The following BTBD8 variants were observed in gnomAD, a reference collection of about 807,000 sequenced individuals.
The protein encoded by BTBD8 is BTB/POZ domain-containing protein 8.
A neutral mutation model predicts 162.9 loss-of-function variants in BTBD8; 110 were observed. That is an observed-to-expected ratio of 0.68 (90% confidence interval 0.58 to 0.79). The LOEUF (loss-of-function observed/expected upper bound fraction) is 0.79, where lower values mean the gene tolerates loss of function less well. Among genes scored for constraint, BTBD8 ranks in the 30% least tolerant of loss-of-function variants. The pLI is 0.00. For synonymous variants in BTBD8, 667 were observed against 716.1 expected, an observed-to-expected ratio of 0.93 and a Z score of 1.10; for missense variants, 1,905 against 2,085.4, an observed-to-expected ratio of 0.91 and a Z score of 1.68.
At chr1:92,174,102 T>G (rs967947621) in intron 13 of BTBD8, among the ~76,000 whole-genome samples, 1 of 152,184 alleles carries the variant, frequency 6.6e-6, no homozygotes, top group African/African-American at 2.4e-5. Context: ...GAAATAAAAT[T>G]GGAATTAATA....
intron 11 of BTBD8, 112 bp downstream of exon 11, chr1:92,168,097 A>G: frequency 1.2e-6 from 1 of 853,384 alleles, no homozygotes; most frequent in Non-Finnish European, 1.7e-6. Flanking sequence ...GTGGATACCT[A>G]GGGGTGGATT....
intron 16 of BTBD8, among the ~76,000 whole-genome samples, chr1:92,179,730 T>C (rs1275080065): frequency 2.0e-5 from 3 of 152,176 alleles, no homozygotes; most frequent in African/African-American, 7.2e-5. Flanking sequence ...AAGTTGTTAA[T>C]CCTAATGAGC....
intron 13 of BTBD8, 108 bp downstream of exon 13, chr1:92,171,568 G>T: frequency 3.0e-6 from 2 of 669,158 alleles, no homozygotes; most frequent in South Asian, 3.9e-5. Context: ...ATTAATTGAA[G>T]CTATTTCTTA....
Position 92,176,890 on chromosome 1 carries a change from A to G in BTBD8, c.1697A>G (p.Lys566Arg). 6.6e-7 allele frequency: 1 copy of G among 1,505,572 alleles called. No individual in the cohort carries two copies. The allele number at this position is 1,505,572 out of a possible 1,614,324, so 93.3% of individuals were successfully genotyped here. A position where few individuals can be genotyped will look rare whatever the true frequency, so the allele number is the denominator to read the frequency against. ...IKIKSWRGNN[K>R]KECWSYLSTN... ...ATCAAATCTTGGAGGGGAAATAACA[A>G]GAAAGAGTGTTGGAGTTATCTCTCT... Residue 566 changes from lysine to arginine, a missense_variant, in exon 14 of 18, where the codon AAG becomes AGG. By Grantham distance (26) the Lys-to-Arg change is conservative. This residue lies in a region of BTBD8 where 1,374 missense variants were observed against 1,442.7 expected (regional missense o/e 0.95). Coordinates refer to ENST00000636805, the MANE Select transcript of BTBD8 (RefSeq NM_001376131.1).
chr1:92,123,847 A>G (rs1649280940), intron 4 of BTBD8, among the ~76,000 whole-genome samples: 1 of 151,788 alleles, frequency 6.6e-6, no homozygotes, highest in African/African-American at 2.4e-5. Flanking sequence ...TAATGCAGAC[A>G]GGATTTCCTT....
chr1:92,123,198 G>C (rs1432717654), intron 4 of BTBD8, among the ~76,000 whole-genome samples: 1 of 152,132 alleles, frequency 6.6e-6, no homozygotes, highest in Admixed American at 6.5e-5. Flanking sequence ...CTGTTCCAGT[G>C]ATTTATATGT....
intron 4 of BTBD8, among the ~76,000 whole-genome samples, chr1:92,122,169 A>C (rs1424821511): frequency 6.6e-6 from 1 of 152,018 alleles, no homozygotes; most frequent in East Asian, 1.9e-4. Flanking sequence ...TTATTGCTGC[A>C]TAGTATTGGA....
chr1:92,150,559 A>G (rs1445800913), intron 9 of BTBD8: 3 of 152,218 alleles, frequency 2.0e-5, no homozygotes, highest in East Asian at 3.8e-4. Flanking sequence ...TTACTTTACA[A>G]TAATTTCTGT....
intron 9 of BTBD8, among the ~76,000 whole-genome samples, chr1:92,151,942 G>A (rs1650055348): frequency 6.6e-6 from 1 of 152,008 alleles, no homozygotes; most frequent in African/African-American, 2.4e-5. Context: ...TATCCACTCA[G>A]TACCAATATT....
At chr1:92,154,623 AC>A (rs1570748122) in intron 9 of BTBD8, among the ~76,000 whole-genome samples, 1 of 152,082 alleles carries the variant, frequency 6.6e-6, no homozygotes, top group Non-Finnish European at 1.5e-5. Context: ...CCAATTTTTA[AC>A]AGTGTTATCA....
At chr1:92,125,538 G>A (rs1373950040) in intron 4 of BTBD8, 2 of 309,598 alleles carry the variant, frequency 6.5e-6, no homozygotes, top group African/African-American at 2.2e-5. Flanking sequence ...GAATTCAGGA[G>A]AATGAAATCT....
intron 4 of BTBD8, among the ~76,000 whole-genome samples, chr1:92,116,735 G>T (rs1649049427): frequency 6.6e-6 from 1 of 151,786 alleles, no homozygotes; most frequent in Non-Finnish European, 1.5e-5. Context: ...CTTTTAGATA[G>T]CAAATAGTTA....
intron 9 of BTBD8, among the ~76,000 whole-genome samples, chr1:92,152,163 T>A: frequency 6.6e-6 from 1 of 152,126 alleles, no homozygotes; most frequent in East Asian, 1.9e-4. Context: ...GTGCTCCATG[T>A]GAGCAAAGAT....
At chr1:92,151,049 C>A (rs940338944) in intron 9 of BTBD8, among the ~76,000 whole-genome samples, 5 of 151,938 alleles carry the variant, frequency 3.3e-5, no homozygotes, top group African/African-American at 1.2e-4. Context: ...TGGTGAGATA[C>A]CACTACAAAA....
At position 92,080,726 on chromosome 1, in the gene BTBD8, A is replaced by C; in HGVS notation, c.149+6A>C. On this transcript the variant is annotated splice_donor_region_variant and intron_variant, in intron 1 of 17. Transcript: ENST00000636805. ...CTCAGCCAGGATTTGCTCAGGTAGG[A>C]GGAGGCGGGAACTCTGGCTGCTTCA... 1 of 1,606,906 alleles carries C rather than the reference A, an allele frequency of 6.2e-7. No individual in the cohort carries two copies. The highest frequency in any genetic ancestry group is 1.1e-5 in the South Asian group (1 of 89,736).
intron 2 of BTBD8, among the ~76,000 whole-genome samples, chr1:92,098,514 A>G (rs1304009355): frequency 3.9e-5 from 6 of 152,206 alleles, no homozygotes; most frequent in Non-Finnish European, 8.8e-5. Context: ...AAATGACTGT[A>G]CCATTTTACA....
chr1:92,180,892 T>G lies in BTBD8; in HGVS notation c.3209T>G (p.Ile1070Arg). The change falls in exon 17 of 18, where the codon ATA becomes AGA. Residue 1070 changes from isoleucine (I) to arginine (R), a missense_variant. This residue lies in a region of BTBD8 where 1,374 missense variants were observed against 1,442.7 expected (regional missense o/e 0.95). Coordinates refer to ENST00000636805, the MANE Select transcript of BTBD8 (RefSeq NM_001376131.1). ...KETDDCDAAN[I>R]CCHSVGSDNV... ...ACAGATGATTGCGATGCAGCTAACA[T>G]ATGTTGTCATTCTGTTGGGAGTGAT... 1 of 1,551,686 alleles carries G rather than the reference T, an allele frequency of 6.4e-7. No homozygotes were observed. Among genetic ancestry groups the G allele is most frequent in the Non-Finnish European group, 8.7e-7 (1 of 1,146,974 alleles).
At chr1:92,177,629 C>T (rs1321259676) in intron 14 of BTBD8, 83 bp downstream of exon 14, 1 of 1,002,678 alleles carries the variant, frequency 1.0e-6, no homozygotes, top group African/African-American at 1.6e-5. Flanking sequence ...TGTATTTGGG[C>T]TTTTATTTAG....
intron 5 of BTBD8, among the ~76,000 whole-genome samples, chr1:92,136,535 T>G (rs138314255): frequency 6.6e-6 from 1 of 152,174 alleles, no homozygotes; most frequent in Non-Finnish European, 1.5e-5. Flanking sequence ...GAAATTCTTC[T>G]GATCCTGGGG....
Sources: allele counts gnomAD v4.1 joint callset (sites outside exome capture counted in the v4.1 genomes callset), GRCh38; gene constraint gnomAD v4.1.1; regional missense constraint gnomAD v4.1.1; transcripts MANE v1.5; gene names NCBI Gene and HGNC (gene_info 2026-07-23, HGNC 2026-07-21).